The following AFG2A variants were observed in gnomAD, a reference collection of about 807,000 sequenced individuals.
The protein encoded by AFG2A is ATPase family gene 2 protein homolog A.
chr4:123,013,739 C>G, the AFG2A span, among the ~76,000 whole-genome samples: 1 of 152,170 alleles, frequency 6.6e-6, no homozygotes, highest in African/African-American at 2.4e-5. Context: ...CAGCTTGTCC[C>G]TCTGTCACTT....
At chr4:123,219,205 A>G in the AFG2A span, among the ~76,000 whole-genome samples, 1 of 152,328 alleles carries the variant, frequency 6.6e-6, no homozygotes, top group African/African-American at 2.4e-5. Flanking sequence ...CACAGTCCAA[A>G]GGCTGGATAA....
chr4:122,929,765 A>G, the AFG2A span, among the ~76,000 whole-genome samples: 42 of 151,990 alleles, frequency 2.8e-4, no homozygotes, highest in East Asian at 8.0e-3. Context: ...TTCAAAATCA[A>G]TGTGTATGTT....
the AFG2A span, chr4:122,934,773 T>G: frequency 4.3e-5 from 66 of 1,523,890 alleles, no homozygotes; most frequent in Non-Finnish European, 5.5e-5. Context: ...CCCAAAAATG[T>G]TAAATTCAAA....
chr4:123,074,447 C>T, the AFG2A span, among the ~76,000 whole-genome samples: 830 of 36,102 alleles, frequency 0.023, 64 homozygotes, highest in East Asian at 0.24. Flanking sequence ...TTCTTTTTTT[C>T]TTTTTTTTTT....
the AFG2A span, among the ~76,000 whole-genome samples, chr4:123,288,923 C>T: frequency 4.6e-5 from 7 of 152,166 alleles, no homozygotes; most frequent in African/African-American, 1.4e-4. Flanking sequence ...TCATTGGTCC[C>T]GGCCTTTGGT....
the AFG2A span, among the ~76,000 whole-genome samples, chr4:122,924,641 T>A: frequency 6.6e-6 from 1 of 152,166 alleles, no homozygotes; most frequent in African/African-American, 2.4e-5. Context: ...TCTCAATAAA[T>A]CCTGTCTCCT....
At chr4:122,939,712 T>C in the AFG2A span, among the ~76,000 whole-genome samples, 3 of 152,226 alleles carry the variant, frequency 2.0e-5, no homozygotes, top group Admixed American at 6.5e-5. Context: ...ACATGTGCCA[T>C]GATGGTGTGC....
chr4:123,283,893 C>T, the AFG2A span, among the ~76,000 whole-genome samples: 2 of 152,182 alleles, frequency 1.3e-5, no homozygotes, highest in South Asian at 2.1e-4. Flanking sequence ...CATAAGTTTG[C>T]GCACCCCTGA....
At chr4:123,097,115 G>A in the AFG2A span, among the ~76,000 whole-genome samples, 1 of 151,978 alleles carries the variant, frequency 6.6e-6, no homozygotes, top group Admixed American at 6.6e-5. Context: ...GATTATAGGT[G>A]TGCACCACAG....
chr4:123,074,229 G>A, the AFG2A span, among the ~76,000 whole-genome samples: 11 of 150,884 alleles, frequency 7.3e-5, no homozygotes, highest in Admixed American at 7.3e-4. Context: ...TGAATAGCTG[G>A]GATTACAGGC....
At chr4:123,129,202 T>G in the AFG2A span, among the ~76,000 whole-genome samples, 20 of 152,206 alleles carry the variant, frequency 1.3e-4, no homozygotes, top group Non-Finnish European at 2.1e-4. Flanking sequence ...TTAACTAATA[T>G]GGTAGTTTCA....
chr4:123,137,128 C>A, the AFG2A span, among the ~76,000 whole-genome samples: 2 of 152,168 alleles, frequency 1.3e-5, no homozygotes, highest in East Asian at 1.9e-4. Flanking sequence ...TGCGGCTGAT[C>A]AGGCAGTAAT....
At chr4:122,949,819 A>G in the AFG2A span, among the ~76,000 whole-genome samples, 1 of 152,178 alleles carries the variant, frequency 6.6e-6, no homozygotes, top group African/African-American at 2.4e-5. Context: ...ACAAGGGAGG[A>G]CTAGGATTCA....
the AFG2A span, among the ~76,000 whole-genome samples, chr4:123,081,301 GATCCTT>G: frequency 6.6e-5 from 10 of 152,170 alleles, no homozygotes; most frequent in African/African-American, 2.4e-4. Flanking sequence ...CCTGGCAACT[GATCCTT>G]TTACAGTCTA....
At chr4:123,223,884 C>T in the AFG2A span, among the ~76,000 whole-genome samples, 3 of 152,170 alleles carry the variant, frequency 2.0e-5, no homozygotes, top group African/African-American at 7.2e-5. Context: ...TTCACTCTGT[C>T]GATTGTTTCC....
At chr4:123,286,540 G>A in the AFG2A span, among the ~76,000 whole-genome samples, 3 of 152,112 alleles carry the variant, frequency 2.0e-5, no homozygotes, top group Non-Finnish European at 2.9e-5. Flanking sequence ...AATGCCAACT[G>A]CAAAGTTTTT....
At chr4:123,083,578 T>G in the AFG2A span, among the ~76,000 whole-genome samples, 2 of 151,382 alleles carry the variant, frequency 1.3e-5, no homozygotes, top group Non-Finnish European at 2.9e-5. Context: ...TTTTTTCTTT[T>G]TTTTTTAAGA....
chr4:123,124,505 G>A, the AFG2A span, among the ~76,000 whole-genome samples: 1 of 151,950 alleles, frequency 6.6e-6, no homozygotes, highest in South Asian at 2.1e-4. Flanking sequence ...TGGGGAGAGG[G>A]GAGGGATAGC....
the AFG2A span, among the ~76,000 whole-genome samples, chr4:123,033,783 C>T: frequency 6.6e-6 from 1 of 152,168 alleles, no homozygotes; most frequent in Non-Finnish European, 1.5e-5. Context: ...CAGCCTTAAG[C>T]AAGTTCTGTA....
Sources: gnomAD v4.1 joint callset for allele counts (sites outside exome capture counted in the v4.1 genomes callset) on GRCh38, gnomAD v4.1.1 for gene constraint, MANE v1.5 for transcripts, NCBI Gene and HGNC (gene_info 2026-07-23, HGNC 2026-07-21) for gene names.